Variants in CAST observed in about 807,000 individuals in gnomAD.
CAST encodes the protein MIR583 host.
A neutral mutation model predicts 119.6 loss-of-function variants in CAST; 76 were observed. The ratio of observed to expected loss-of-function variants is 0.64; its 90% CI spans 0.53 to 0.77. CAST has a LOEUF of 0.77. CAST is among the 30% of genes least tolerant of loss of function. The pLI is 0.00. For synonymous variants in CAST, 319 were observed against 331.6 expected (o/e 0.96, Z 0.41); for missense variants, 953 against 946.5 (o/e 1.01, Z -0.09).
At chr5:96,072,760 C>T in the CAST span, among the ~76,000 whole-genome samples, 1 of 152,190 alleles carries the variant, frequency 6.6e-6, no homozygotes, top group East Asian at 1.9e-4. Context: ...GAGAGTGGCT[C>T]TTGCTGTTTG....
chr5:96,663,397 G>A (rs768282781), intron 1 of CAST, among the ~76,000 whole-genome samples: 1 of 152,228 alleles, frequency 6.6e-6, no homozygotes, highest in Non-Finnish European at 1.5e-5. Context: ...CGCGGCGCAT[G>A]CACCTCTCTC....
the CAST span, among the ~76,000 whole-genome samples, chr5:96,308,174 C>A: frequency 3.3e-5 from 5 of 151,820 alleles, no homozygotes; most frequent in African/African-American, 9.7e-5. Flanking sequence ...TTTCTCTAAT[C>A]TTATCTTCTC....
the CAST span, chr5:95,965,386 A>G: frequency 1.3e-5 from 2 of 152,324 alleles, no homozygotes; most frequent in South Asian, 2.1e-4. Flanking sequence ...TAGTTTTCCA[A>G]ATCTGCTGTA....
rs1760321778 is a variant in CAST at position 96,730,862 on chromosome 5, T to C, written c.630+2T>C. ...ATATCTGGCAAGCCGGGTGACAAGG[T>C]GAGCACACACAAGCAGACGGAAACG... is the stretch of plus-strand genomic sequence containing the variant. On this transcript the variant is annotated splice_donor_variant, in intron 9 of 31. Transcript: ENST00000675179. LOFTEE classifies it high-confidence loss of function. The C allele has an allele frequency of 3.1e-6, 5 of 1,608,948 alleles. No individual in the cohort carries two copies. In the African/African-American group the frequency reaches 4.0e-5, roughly 13 times the overall value.
chr5:96,503,080 A>G, the CAST span, among the ~76,000 whole-genome samples: 31 of 152,330 alleles, frequency 2.0e-4, 1 homozygote, highest in South Asian at 5.8e-3. Flanking sequence ...CCCACAAGCA[A>G]TATATGGAAG....
the CAST span, among the ~76,000 whole-genome samples, chr5:95,995,700 G>A: frequency 3.3e-5 from 5 of 152,146 alleles, no homozygotes; most frequent in Non-Finnish European, 7.4e-5. Flanking sequence ...CCAGTGCAGA[G>A]CATTTACGTA....
chr5:96,746,102 G>A (rs1476227525), intron 16 of CAST, among the ~76,000 whole-genome samples: 1 of 152,198 alleles, frequency 6.6e-6, no homozygotes, highest in Admixed American at 6.5e-5. Flanking sequence ...ACAGCAGCTG[G>A]GAGCAGAACA....
At chr5:96,289,291 T>C in the CAST span, among the ~76,000 whole-genome samples, 1 of 152,194 alleles carries the variant, frequency 6.6e-6, no homozygotes, top group Admixed American at 6.5e-5. Flanking sequence ...TGTTCTTAAA[T>C]GAACTCAGGC....
chr5:96,416,072 T>A, the CAST span: 3 of 1,613,336 alleles, frequency 1.9e-6, no homozygotes, highest in Non-Finnish European at 2.5e-6. Context: ...ACCCCGCATT[T>A]GTGATTATTT....
In CAST at chr5:96,757,645, T is replaced by G; in HGVS notation, c.1824T>G (p.Ala608=). ...LSEDFSGPQN[A]SSLKFEDAKL... ...AGGACTTCTCTGGTCCACAAAATGC[T>G]TCATCTCTTGTAAGTCCAAAACTCT... The change falls in exon 24 of 32, where the codon GCT becomes GCG. Residue 608 remains alanine (A), a synonymous_variant. Coordinates refer to ENST00000675179, the MANE Select transcript of CAST (RefSeq NM_001750.7). The G allele has an allele frequency of 6.2e-7, 1 of 1,610,678 alleles. No individual in the cohort carries two copies. Among genetic ancestry groups the G allele is most frequent in the South Asian group, 1.1e-5 (1 of 90,986 alleles).
chr5:96,369,037 A>G, the CAST span, among the ~76,000 whole-genome samples: 1 of 151,934 alleles, frequency 6.6e-6, no homozygotes, highest in East Asian at 1.9e-4. Flanking sequence ...AATCGCTTCA[A>G]TTATTTAATG....
chr5:96,662,958 G>C, intron 1 of CAST: 1 of 598,952 alleles, frequency 1.7e-6, no homozygotes, highest in South Asian at 2.0e-5. Context: ...GGAGGGGCGG[G>C]GCCTGCGCCG....
At chr5:96,617,223 C>T (rs1222009957) in intron 1 of CAST, among the ~76,000 whole-genome samples, 1 of 151,662 alleles carries the variant, frequency 6.6e-6, no homozygotes, top group Non-Finnish European at 1.5e-5. Context: ...AGACTCTTGC[C>T]CTATAAAAGA....
the CAST span, among the ~76,000 whole-genome samples, chr5:96,506,089 G>A: frequency 1.3e-4 from 20 of 152,212 alleles, no homozygotes; most frequent in Non-Finnish European, 2.1e-4. Context: ...ATTTTTCCCC[G>A]TCAGGGTAGC....
chr5:96,317,093 GC>G, the CAST span, among the ~76,000 whole-genome samples: 1 of 152,072 alleles, frequency 6.6e-6, no homozygotes, highest in African/African-American at 2.4e-5. Flanking sequence ...TACTTGTCCA[GC>G]TTGAACATTA....
At chr5:96,110,459 A>G in the CAST span, among the ~76,000 whole-genome samples, 7 of 152,228 alleles carry the variant, frequency 4.6e-5, no homozygotes, top group Non-Finnish European at 8.8e-5. Context: ...CAAATGGGCC[A>G]TTCAGAAAAA....
chr5:96,707,368 T>C, intron 3 of CAST, among the ~76,000 whole-genome samples: 1 of 152,070 alleles, frequency 6.6e-6, no homozygotes, highest in East Asian at 1.9e-4. Flanking sequence ...TCTGCTTTTA[T>C]TGAATGTGTT....
the CAST span, among the ~76,000 whole-genome samples, chr5:96,157,671 TA>T: frequency 4.7e-4 from 71 of 152,370 alleles, no homozygotes; most frequent in African/African-American, 1.7e-3. Flanking sequence ...CTGAGTTCAA[TA>T]ATTTTTAGCC....
At chr5:96,499,721 C>T in the CAST span, among the ~76,000 whole-genome samples, 1 of 152,214 alleles carries the variant, frequency 6.6e-6, no homozygotes, top group African/African-American at 2.4e-5. Flanking sequence ...AGTCAATCCT[C>T]TCGAACCCTG....
Sources: allele counts gnomAD v4.1 joint callset (sites outside exome capture counted in the v4.1 genomes callset), GRCh38; gene constraint gnomAD v4.1.1; transcripts MANE v1.5; gene names NCBI Gene and HGNC (gene_info 2026-07-23, HGNC 2026-07-21).